The following SMAP2 variants were observed in gnomAD, a reference collection of about 807,000 sequenced individuals.
The protein encoded by SMAP2 is small ArfGAP2, also known as stromal membrane-associated protein 2.
SMAP2 carries 25 observed loss-of-function variants against 56.4 expected under a neutral mutation model. The observed-to-expected ratio is 0.44, with a 90% confidence interval of 0.32 to 0.62. SMAP2 has a LOEUF of 0.62. SMAP2 is among the 20% of genes least tolerant of loss of function. The pLI is 0.04. For missense variants in SMAP2, 388 were observed against 545.6 expected, an observed-to-expected ratio of 0.71 and a Z score of 2.88; for synonymous variants, 157 against 181.7, an observed-to-expected ratio of 0.86 and a Z score of 1.09.
intron 1 of SMAP2, among the ~76,000 whole-genome samples, chr1:40,353,729 T>C (rs1644419995): frequency 6.6e-6 from 1 of 151,694 alleles, no homozygotes; most frequent in Non-Finnish European, 1.5e-5. Flanking sequence ...ACACCTAGAG[T>C]GGGCTGAGAA....
chr1:40,390,665 T>C (rs948173782), intron 1 of SMAP2, among the ~76,000 whole-genome samples: 3 of 152,148 alleles, frequency 2.0e-5, no homozygotes, highest in Non-Finnish European at 4.4e-5. Flanking sequence ...GAACAAGATA[T>C]CAATTTAGTG....
intron 1 of SMAP2, among the ~76,000 whole-genome samples, chr1:40,382,510 A>G (rs1453460285): frequency 1.3e-5 from 2 of 152,196 alleles, no homozygotes; most frequent in Admixed American, 6.5e-5. Flanking sequence ...GTCTGCTTAA[A>G]TCCTTACCAC....
At chr1:40,387,742 C>T (rs1314421392) in intron 1 of SMAP2, among the ~76,000 whole-genome samples, 1 of 152,196 alleles carries the variant, frequency 6.6e-6, no homozygotes, top group Non-Finnish European at 1.5e-5. Context: ...GCCTTGGCAC[C>T]CACTCTGGCC....
At chr1:40,394,136 A>T (rs928024398) in intron 1 of SMAP2, among the ~76,000 whole-genome samples, 1 of 151,874 alleles carries the variant, frequency 6.6e-6, no homozygotes, top group Admixed American at 6.6e-5. Flanking sequence ...CTTCCATCCT[A>T]TGGTTTCTTG....
chr1:40,403,957 G>T (rs543244864), intron 1 of SMAP2, among the ~76,000 whole-genome samples: 1 of 152,248 alleles, frequency 6.6e-6, no homozygotes, highest in African/African-American at 2.4e-5. Context: ...AATTAGCTGG[G>T]CATGGTGTTG....
At position 40,416,854 on chromosome 1, in the gene SMAP2, A is replaced by G. The variant is rs1293996546; in HGVS notation, c.922A>G (p.Ser308Gly). ...PSFPGVTPPNSIMGSMMPPPV... is the reference protein window; with the variant it reads ...PSFPGVTPPNGIMGSMMPPPV... ...CTTCCCCGGGGTTACACCTCCTAACAGCATAATGGGGAGCATGATGCCTCC... is the reference window on the plus strand; with the variant it reads ...CTTCCCCGGGGTTACACCTCCTAACGGCATAATGGGGAGCATGATGCCTCC... The change falls in exon 9 of 10, where the codon AGC becomes GGC. Residue 308 changes from serine to glycine, a missense_variant. Transcript: ENST00000372718. 6.2e-7 allele frequency: 1 copy of G among 1,614,026 alleles called. No homozygotes were observed. Among genetic ancestry groups the G allele is most frequent in the East Asian group, 2.2e-5 (1 of 44,882 alleles).
intron 1 of SMAP2, among the ~76,000 whole-genome samples, chr1:40,376,858 A>G (rs1301080464): frequency 6.6e-6 from 1 of 152,254 alleles, no homozygotes; most frequent in African/African-American, 2.4e-5. Context: ...ATGATGTGGC[A>G]TAGACTATCG....
intron 1 of SMAP2, among the ~76,000 whole-genome samples, chr1:40,399,710 A>AAG (rs1553120290): frequency 1.1e-5 from 1 of 90,186 alleles, no homozygotes; most frequent in Non-Finnish European, 2.3e-5. Flanking sequence ...TCAAAAAAAA[A>AAG]AAAAGAAAAG....
intron 1 of SMAP2, among the ~76,000 whole-genome samples, chr1:40,388,045 C>T (rs554332481): frequency 2.5e-4 from 38 of 152,298 alleles, no homozygotes; most frequent in African/African-American, 6.7e-4. Flanking sequence ...GCCGGCCCAC[C>T]GGCGCTGCGC....
At chr1:40,365,710 A>G (rs1255380097) in intron 2 of SMAP2, among the ~76,000 whole-genome samples, 1 of 152,202 alleles carries the variant, frequency 6.6e-6, no homozygotes, top group Non-Finnish European at 1.5e-5. Context: ...GTACATCACC[A>G]TCATCACAGA....
chr1:40,409,852 T>C lies in SMAP2; in HGVS notation c.402+17T>C, dbSNP rs1385088974. ...GCCTTTAGGGTTGGTTATACATCTTTCAAGTTTTGTCCACAATAAGTAATG... is the reference window on the plus strand; with the variant it reads ...GCCTTTAGGGTTGGTTATACATCTTCCAAGTTTTGTCCACAATAAGTAATG... On this transcript the variant is annotated intron_variant, in intron 4 of 9. Coordinates refer to ENST00000372718, the MANE Select transcript of SMAP2 (RefSeq NM_022733.3). The C allele has an allele frequency of 3.9e-6, 6 of 1,521,584 alleles. No individual in the cohort carries two copies. In the Admixed American group the frequency reaches 6.7e-5, roughly 17 times the overall value. The allele number at this position is 1,521,584 out of a possible 1,614,324, so 94.3% of individuals were successfully genotyped here.
chr1:40,400,125 G>T (rs1241116575), intron 1 of SMAP2, among the ~76,000 whole-genome samples: 1 of 152,188 alleles, frequency 6.6e-6, no homozygotes, highest in Non-Finnish European at 1.5e-5. Context: ...AGTGGCATTT[G>T]GCAGTTAGGG....
upstream of SMAP2, among the ~76,000 whole-genome samples, chr1:40,371,185 T>G (rs900055912): frequency 2.0e-5 from 3 of 152,046 alleles, no homozygotes; most frequent in African/African-American, 7.2e-5. Flanking sequence ...AAAAAAAATT[T>G]TATAACTAAT....
chr1:40,380,859 A>G (rs1644591302), intron 1 of SMAP2, among the ~76,000 whole-genome samples: 2 of 152,280 alleles, frequency 1.3e-5, no homozygotes, highest in South Asian at 4.1e-4. Context: ...AAAAAATTCA[A>G]TGGCGTGAAA....
In SMAP2 at chr1:40,389,998, G is replaced by T. The variant is rs924911908; in HGVS notation, c.103+15775G>T. ...CAGGATCTTTGTACTCACATGGCTG[G>T]TATCTTTGCCCCACCCCCTTATGCC... On this transcript the variant is annotated intron_variant, in intron 1 of 9. Transcript: ENST00000372718. Among the ~76,000 whole-genome samples, 13 of 150,508 alleles carry T rather than the reference G, an allele frequency of 8.6e-5. 1 individual carries two copies. Among genetic ancestry groups the T allele is most frequent in the East Asian group, 5.9e-4 (3 of 5,110 alleles).
In SMAP2 at chr1:40,374,403, G is replaced by A. The variant is rs1644520954; in HGVS notation, c.103+180G>A. ...CAGCTGGGGGATTGGTATGGGTAGA[G>A]CTTGCGAGGGCGAGTCTGTGTGTGT... On this transcript the variant is annotated intron_variant, in intron 1 of 9. Coordinates refer to ENST00000372718, the MANE Select transcript of SMAP2 (RefSeq NM_022733.3). The surrounding 1 kb of genome is among the most constrained non-coding windows in gnomAD (Gnocchi z 5.9). Among the ~76,000 whole-genome samples, 1 of 152,128 alleles carries A rather than the reference G, an allele frequency of 6.6e-6. No homozygotes were observed. The highest frequency in any genetic ancestry group is 1.5e-5 in the Non-Finnish European group (1 of 68,016).
chr1:40,353,392 G>A (rs1346299943), intron 1 of SMAP2, among the ~76,000 whole-genome samples: 1 of 152,108 alleles, frequency 6.6e-6, no homozygotes, highest in African/African-American at 2.4e-5. Flanking sequence ...TTTTGAGACA[G>A]AGTTTTGCTC....
In SMAP2 at chr1:40,374,785, C is replaced by T. The variant is rs1644527095; in HGVS notation, c.103+562C>T. On this transcript the variant is annotated intron_variant, in intron 1 of 9. Coordinates refer to ENST00000372718, the MANE Select transcript of SMAP2 (RefSeq NM_022733.3). The surrounding 1 kb of genome is among the most constrained non-coding windows in gnomAD (Gnocchi z 5.9). ...GCCTTGCTAAGATCTGACAAGAGTG[C>T]TTAGGTGACTTTATTCTTCTGGATG... 1.3e-6 allele frequency: 2 copies of T among 1,550,256 alleles called. No individual in the cohort carries two copies. Among genetic ancestry groups the T allele is most frequent in the Non-Finnish European group, 1.7e-6 (2 of 1,146,884 alleles).
At chr1:40,406,650 G>T (rs911143961) in intron 1 of SMAP2, 86 bp from the exon 2 acceptor site, 2 of 1,414,448 alleles carry the variant, frequency 1.4e-6, no homozygotes, top group Non-Finnish European at 1.9e-6. Flanking sequence ...TTATGTTCTA[G>T]CAGAAATGTC....
Sources: allele counts gnomAD v4.1 joint callset (sites outside exome capture counted in the v4.1 genomes callset), GRCh38; gene constraint gnomAD v4.1.1; non-coding constraint Gnocchi (gnomAD v3.1); transcripts MANE v1.5; gene names NCBI Gene and HGNC (gene_info 2026-07-23, HGNC 2026-07-21).